VN1R2: variants seen among roughly 807,000 people sequenced by gnomAD.
The protein encoded by VN1R2 is vomeronasal type-1 receptor 2.
For synonymous variants in VN1R2, 160 were observed against 173.1 expected (o/e 0.92, Z 0.59); for missense variants, 418 against 452.4 (o/e 0.92, Z 0.69).
Position 53,259,325 on chromosome 19 carries a change from T to C in VN1R2, c.950T>C (p.Ile317Thr), listed in dbSNP as rs888554425. Residue 317 changes from isoleucine to threonine, a missense_variant, in exon 1 of 1, where the codon ATC becomes ACC. Coordinates refer to ENST00000341702, the MANE Select transcript of VN1R2 (RefSeq NM_173856.2). ...CCTGGGAACAGAGCCATCCAAAGCATCCTTGCATTGGTGAGCACCTTTGCA... is the reference window on the plus strand; with the variant it reads ...CCTGGGAACAGAGCCATCCAAAGCACCCTTGCATTGGTGAGCACCTTTGCA... ...SSPGNRAIQSILALVSTFALC... is the reference protein window; with the variant it reads ...SSPGNRAIQSTLALVSTFALC... The C allele has an allele frequency of 1.2e-6, 2 of 1,614,030 alleles. No homozygotes were observed. The highest frequency in any genetic ancestry group is 2.7e-5 in the African/African-American group (2 of 74,894).
Position 53,259,305 on chromosome 19 carries a change from G to C in VN1R2, c.930G>C (p.Gly310=). The C allele has an allele frequency of 6.2e-7, 1 of 1,614,158 alleles. No individual in the cohort carries two copies. Among genetic ancestry groups the C allele is most frequent in the Non-Finnish European group, 8.5e-7 (1 of 1,180,036 alleles). The part of the protein sequence containing the change: ...RNNLYPNSSP[G]NRAIQSILAL... ...ATCTCTACCCCAACTCTTCTCCTGGGAACAGAGCCATCCAAAGCATCCTTG... is the reference window on the plus strand; with the variant it reads ...ATCTCTACCCCAACTCTTCTCCTGGCAACAGAGCCATCCAAAGCATCCTTG... The change falls in exon 1 of 1, where the codon GGG becomes GGC. Residue 310 remains glycine (G), a synonymous_variant. Coordinates refer to ENST00000341702, the MANE Select transcript of VN1R2 (RefSeq NM_173856.2).
At position 53,259,353 on chromosome 19, in the gene VN1R2, ATGT is replaced by A. The variant is rs765994527; in HGVS notation, c.980_982del (p.Cys327del). Reference sequence around the variant, plus strand: ...TTGCATTGGTGAGCACCTTTGCATTATGTTACGCCCTTTCCTTCATCACCTACG... The same window carrying A: ...TTGCATTGGTGAGCACCTTTGCATTATACGCCCTTTCCTTCATCACCTACG... On this transcript the variant is annotated inframe_deletion, in exon 1 of 1. Transcript: ENST00000341702. The A allele has an allele frequency of 7.4e-6, 12 of 1,614,056 alleles. No individual in the cohort carries two copies. Among genetic ancestry groups the A allele is most frequent in the Non-Finnish European group, 1.0e-5 (12 of 1,180,030 alleles).
In VN1R2 at chr19:53,258,605, T is replaced by C. The variant is rs765719964; in HGVS notation, c.230T>C (p.Val77Ala). ...GTGTCTTTATTTCTACACTCTCTTGTCTCTGCACACGGAGAGAAACCCACC... is the reference window on the plus strand; with the variant it reads ...GTGTCTTTATTTCTACACTCTCTTGCCTCTGCACACGGAGAGAAACCCACC... ...CLVSLFLHSL[V>A]SAHGEKPTKP... The change falls in exon 1 of 1, where the codon GTC (valine) becomes GCC (alanine). Residue 77 changes from valine to alanine, a missense_variant. By Grantham distance (64) the Val-to-Ala change is moderately conservative. Coordinates refer to ENST00000341702, the MANE Select transcript of VN1R2 (RefSeq NM_173856.2). 1.3e-6 allele frequency: 2 copies of C among 1,589,114 alleles called. No individual in the cohort carries two copies. The highest frequency in any genetic ancestry group is 1.8e-5 in the Admixed American group (1 of 56,180).
Position 53,258,514 on chromosome 19 carries a change from G to A in VN1R2, c.139G>A (p.Gly47Ser), listed in dbSNP as rs111541974. ...CAGCCTGGCATTCGGGGCCACTACCGGTCTCCGCGTCTTGGTGGTAGTGGT... is the reference window on the plus strand; with the variant it reads ...CAGCCTGGCATTCGGGGCCACTACCAGTCTCCGCGTCTTGGTGGTAGTGGT... Reference protein sequence around the residue: ...QCSLAFGATTGLRVLVVVVPQ... With the variant: ...QCSLAFGATTSLRVLVVVVPQ... The change falls in exon 1 of 1, where the codon GGT (glycine) becomes AGT (serine). Residue 47 changes from glycine to serine, a missense_variant. Physicochemically the swap from Gly to Ser is moderately conservative, Grantham distance 56 (BLOSUM62 0). Coordinates refer to ENST00000341702, the MANE Select transcript of VN1R2 (RefSeq NM_173856.2). The A allele has an allele frequency of 8.9e-5, 127 of 1,421,748 alleles. No homozygotes were observed. The highest frequency in any genetic ancestry group is 2.5e-4 in the African/African-American group (18 of 70,630). The allele number at this position is 1,421,748 out of a possible 1,614,324, so 88.1% of individuals were successfully genotyped here.
At position 53,258,999 on chromosome 19, in the gene VN1R2, C is replaced by T; in HGVS notation, c.624C>T (p.Tyr208=). The stretch of plus-strand genomic sequence containing the variant: ...AGATGAAAGTAAAAGCCCCGACATA[C>T]ATTGGTCTCTCCAATATCCTGTGCT... The part of the protein sequence containing the change: ...WAEMKVKAPT[Y]IGLSNILCWA... The change falls in exon 1 of 1, where the codon TAC becomes TAT. Residue 208 remains tyrosine, a synonymous_variant. Coordinates refer to ENST00000341702, the MANE Select transcript of VN1R2 (RefSeq NM_173856.2). The T allele has an allele frequency of 4.3e-6, 7 of 1,614,210 alleles. No homozygotes were observed. Among genetic ancestry groups the T allele is most frequent in the Non-Finnish European group, 5.9e-6 (7 of 1,180,040 alleles).
Position 53,259,121 on chromosome 19 carries a change from G to C in VN1R2, c.746G>C (p.Cys249Ser). 6.2e-7 allele frequency: 1 copy of C among 1,614,198 alleles called. No individual in the cohort carries two copies. The highest frequency in any genetic ancestry group is 8.5e-7 in the Non-Finnish European group (1 of 1,180,032). The change falls in exon 1 of 1, where the codon TGT (cysteine) becomes TCT (serine). Residue 249 changes from cysteine to serine, a missense_variant. Physicochemically the swap from Cys to Ser is moderately radical, Grantham distance 112. Transcript: ENST00000341702. Reference sequence around the variant, plus strand: ...ACAAAGAAAGGAGATTTGGGATATTGTTCTGCCCCACTTAGTGATGAAGTC... The same window carrying C: ...ACAAAGAAAGGAGATTTGGGATATTCTTCTGCCCCACTTAGTGATGAAGTC... ...NITKKGDLGYCSAPLSDEVTK... is the reference protein window; with the variant it reads ...NITKKGDLGYSSAPLSDEVTK...
chr19:53,258,928 GTCTTCCAGGTGATC>G, upstream of VN1R2: 1 of 1,614,180 alleles, frequency 6.2e-7, no homozygotes, highest in Non-Finnish European at 8.5e-7. Context: ...CCTCTTGAGT[GTCTTCCAGGTGATC>G]ACCATCAACC....
chr19:53,258,762 G>A lies in VN1R2; in HGVS notation c.387G>A (p.Arg129=), dbSNP rs551468135. ...YKPRSTDLIL[R]HLTVADSLVI... Reference sequence around the variant, plus strand: ...CAAGATCCACAGATTTGATTCTCAGGCACCTGACTGTAGCTGACTCCTTGG... The same window carrying A: ...CAAGATCCACAGATTTGATTCTCAGACACCTGACTGTAGCTGACTCCTTGG... Residue 129 remains arginine, a synonymous_variant, in exon 1 of 1, where the codon AGG becomes AGA. Transcript: ENST00000341702. 7.5e-5 allele frequency: 121 copies of A among 1,613,990 alleles called. 1 individual carries two copies. In the South Asian group the frequency reaches 1.1e-3, roughly 14 times the overall value.
In VN1R2 at chr19:53,259,552, A is replaced by G. The variant is rs554210377; in HGVS notation, c.1177A>G (p.Arg393Gly). ...AAATAGACGATTCTTTCATGATTTC[A>G]GGAAAATGTGAATTGGCTGTCTTGG... ...RRNRRFFHDFRKM is the reference protein window; with the variant it reads ...RRNRRFFHDFGKM The change falls in exon 1 of 1, where the codon AGG (arginine) becomes GGG (glycine). Residue 393 changes from arginine to glycine, a missense_variant. Physicochemically the swap from Arg to Gly is moderately radical, Grantham distance 125 (BLOSUM62 -2). Coordinates refer to ENST00000341702, the MANE Select transcript of VN1R2 (RefSeq NM_173856.2). The G allele has an allele frequency of 2.0e-5, 32 of 1,609,338 alleles. No individual in the cohort carries two copies. In the South Asian group the frequency reaches 3.1e-4, roughly 16 times the overall value.
Position 53,259,365 on chromosome 19 carries a change from T to C in VN1R2, c.990T>C (p.Leu330=). ...LVSTFALCYA[L]SFITYVYLAL... is the part of the protein sequence containing the mutation. ...GCACCTTTGCATTATGTTACGCCCT[T>C]TCCTTCATCACCTACGTTTATTTAG... is the stretch of plus-strand genomic sequence containing the variant. The change falls in exon 1 of 1, where the codon CTT becomes CTC. Residue 330 remains leucine, a synonymous_variant. Transcript: ENST00000341702. 1.2e-6 allele frequency: 2 copies of C among 1,614,212 alleles called. No individual in the cohort carries two copies. The highest frequency in any genetic ancestry group is 1.7e-6 in the Non-Finnish European group (2 of 1,180,042).
rs2091323163 is a variant in VN1R2, at chr19:53,258,669, T to A, written c.294T>A (p.Val98=). The A allele has an allele frequency of 6.2e-7, 1 of 1,613,938 alleles. No individual in the cohort carries two copies. The highest frequency in any genetic ancestry group is 2.2e-5 in the East Asian group (1 of 44,872). The change falls in exon 1 of 1, where the codon GTT becomes GTA. Residue 98 remains valine (V), a synonymous_variant. Transcript: ENST00000341702. ...VGLDPTLFQV[V]VGILGNFSLL... is the part of the protein sequence containing the mutation. ...TGGACCCTACACTATTCCAGGTAGTTGTTGGAATCCTGGGGAATTTTTCAC... is the reference window on the plus strand; with the variant it reads ...TGGACCCTACACTATTCCAGGTAGTAGTTGGAATCCTGGGGAATTTTTCAC...
At chr19:53,259,375 AC>A (rs1211018936) in intron 1 of VN1R2, 1 of 1,613,926 alleles carries the variant, frequency 6.2e-7, no homozygotes, top group Middle Eastern at 1.6e-4. Flanking sequence ...TTCCTTCATC[AC>A]CTACGTTTAT....
chr19:53,258,732 C>A (rs1324632480), upstream of VN1R2: 2 of 1,613,818 alleles, frequency 1.2e-6, no homozygotes, highest in Non-Finnish European at 1.7e-6. Context: ...TTAGGGGATA[C>A]AAGCCAAGAT....
rs1409671711 is a variant in VN1R2 at position 53,258,535 on chromosome 19, G to C, written c.160G>C (p.Val54Leu). 2 of 1,532,240 alleles carry C rather than the reference G, an allele frequency of 1.3e-6. No homozygotes were observed. The highest frequency in any genetic ancestry group is 1.8e-6 in the Non-Finnish European group (2 of 1,130,638). The allele number at this position is 1,532,240 out of a possible 1,614,324, so 94.9% of individuals were successfully genotyped here. A position where few individuals can be genotyped will look rare whatever the true frequency, so the allele number is the denominator to read the frequency against. The change falls in exon 1 of 1, where the codon GTG becomes CTG. Residue 54 changes from valine to leucine, a missense_variant. By Grantham distance (32) the Val-to-Leu change is conservative. Coordinates refer to ENST00000341702, the MANE Select transcript of VN1R2 (RefSeq NM_173856.2). ...TACCGGTCTCCGCGTCTTGGTGGTA[G>C]TGGTCCCCCAGACACAGCTGTCTTT... The part of the protein sequence containing the change: ...ATTGLRVLVV[V>L]VPQTQLSFLS...
chr19:53,258,521 G>A lies in VN1R2; in HGVS notation c.146G>A (p.Arg49His), dbSNP rs112054740. Reference protein sequence around the residue: ...SLAFGATTGLRVLVVVVPQTQ... With the variant: ...SLAFGATTGLHVLVVVVPQTQ... ...GCATTCGGGGCCACTACCGGTCTCC[G>A]CGTCTTGGTGGTAGTGGTCCCCCAG... The change falls in exon 1 of 1, where the codon CGC becomes CAC. Residue 49 changes from arginine (R) to histidine (H), a missense_variant. Physicochemically the swap from Arg to His is conservative, Grantham distance 29 (BLOSUM62 0). Coordinates refer to ENST00000341702, the MANE Select transcript of VN1R2 (RefSeq NM_173856.2). The A allele has an allele frequency of 1.3e-3, 1,890 of 1,477,410 alleles. 15 individuals are homozygous for A. In the African/African-American group the frequency reaches 0.02, roughly 15 times the overall value. 91.5% of individuals were successfully genotyped at this position (1,477,410 alleles called of 1,614,324 possible).
Position 53,258,977 on chromosome 19 carries a change from T to C in VN1R2, c.602T>C (p.Met201Thr), listed in dbSNP as rs753939442. 1.2e-6 allele frequency: 2 copies of C among 1,614,138 alleles called. No homozygotes were observed. The highest frequency in any genetic ancestry group is 1.7e-6 in the Non-Finnish European group (2 of 1,180,028). The change falls in exon 1 of 1, where the codon ATG (methionine) becomes ACG (threonine). Residue 201 changes from methionine to threonine, a missense_variant. Coordinates refer to ENST00000341702, the MANE Select transcript of VN1R2 (RefSeq NM_173856.2). ...CCTAGGAACTCCAGGTGGGCAGAGA[T>C]GAAAGTAAAAGCCCCGACATACATT... Reference protein sequence around the residue: ...INPRNSRWAEMKVKAPTYIGL... With the variant: ...INPRNSRWAETKVKAPTYIGL...
Position 53,258,944 on chromosome 19 carries a change from C to T in VN1R2, c.569C>T (p.Thr190Ile), listed in dbSNP as rs775249431. 34 of 1,614,032 alleles carry T rather than the reference C, an allele frequency of 2.1e-5. No individual in the cohort carries two copies. Among genetic ancestry groups the T allele is most frequent in the Non-Finnish European group, 2.8e-5 (33 of 1,180,042 alleles). ...CTCTTGAGTGTCTTCCAGGTGATCA[C>T]CATCAACCCTAGGAACTCCAGGTGG... Reference protein sequence around the residue: ...TCLLSVFQVITINPRNSRWAE... With the variant: ...TCLLSVFQVIIINPRNSRWAE... The change falls in exon 1 of 1, where the codon ACC becomes ATC. Residue 190 changes from threonine (T) to isoleucine (I), a missense_variant. Transcript: ENST00000341702.
Position 53,259,395 on chromosome 19 carries a change from C to G in VN1R2, c.1020C>G (p.Leu340=). 6.2e-7 allele frequency: 1 copy of G among 1,614,210 alleles called. No individual in the cohort carries two copies. Among genetic ancestry groups the G allele is most frequent in the Non-Finnish European group, 8.5e-7 (1 of 1,180,046 alleles). The change falls in exon 1 of 1, where the codon CTC becomes CTG. Residue 340 remains leucine (L), a synonymous_variant. Coordinates refer to ENST00000341702, the MANE Select transcript of VN1R2 (RefSeq NM_173856.2). The part of the protein sequence containing the change: ...LSFITYVYLA[L]FDNSSWWLVN... ...TCATCACCTACGTTTATTTAGCTCT[C>G]TTCGATAATTCCAGTTGGTGGCTAG...
Position 53,259,512 on chromosome 19 carries a change from T to C in VN1R2, c.1137T>C (p.Ser379=), listed in dbSNP as rs775558308. 1.2e-6 allele frequency: 2 copies of C among 1,613,506 alleles called. No homozygotes were observed. The highest frequency in any genetic ancestry group is 4.5e-5 in the East Asian group (2 of 44,880). The change falls in exon 1 of 1, where the codon AGT becomes AGC. Residue 379 remains serine, a synonymous_variant. Coordinates refer to ENST00000341702, the MANE Select transcript of VN1R2 (RefSeq NM_173856.2). ...CRDPSRSRLC[S]ICCRRNRRFF... is the part of the protein sequence containing the mutation. ...ACCCCAGCAGATCCAGGCTCTGCAG[T>C]ATCTGCTGCAGAAGAAATAGACGAT...
Sources: gnomAD v4.1 joint callset for allele counts on GRCh38, gnomAD v4.1.1 for gene constraint, MANE v1.5 for transcripts, NCBI Gene and HGNC (gene_info 2026-07-23, HGNC 2026-07-21) for gene names.